IFIT3: variants seen among roughly 807,000 people sequenced by gnomAD.
The protein encoded by IFIT3 is interferon induced protein with tetratricopeptide repeats 3, also known as interferon-induced protein with tetratricopeptide repeats 3.
Under a neutral mutation model 2.4 loss-of-function variants are expected in IFIT3, and 2 were observed. The ratio of observed to expected loss-of-function variants is 0.82; its 90% CI spans 0.34 to 2.60. The LOEUF (loss-of-function observed/expected upper bound fraction) is 2.60. Among genes scored for constraint, IFIT3 ranks in the 30% most tolerant of loss-of-function variants. The probability of loss-of-function intolerance (pLI) is 0.11; values close to 1 mark genes in which losing one functional copy is unlikely to be tolerated. For missense variants in IFIT3, 481 were observed against 562.4 expected, an observed-to-expected ratio of 0.86 and a Z score of 1.46; for synonymous variants, 203 against 212.1, an observed-to-expected ratio of 0.96 and a Z score of 0.37.
chr10:89,330,051 G>A (rs555814060), intron 1 of IFIT3, among the ~76,000 whole-genome samples: 4 of 152,258 alleles, frequency 2.6e-5, no homozygotes, highest in African/African-American at 9.6e-5. Flanking sequence ...CATCGGTTAA[G>A]GCAGGAACAG....
intron 1 of IFIT3, among the ~76,000 whole-genome samples, chr10:89,331,152 C>CTTG (rs369603409): frequency 1.3e-5 from 2 of 152,100 alleles, no homozygotes; most frequent in Admixed American, 6.5e-5. Flanking sequence ...GACAACTTCT[C>CTTG]TTGTTGTTGT....
At chr10:89,336,706 G>C (rs749270936) in intron 1 of IFIT3, among the ~76,000 whole-genome samples, 1 of 152,088 alleles carries the variant, frequency 6.6e-6, no homozygotes, top group Non-Finnish European at 1.5e-5. Flanking sequence ...AGAATAGATG[G>C]TTGGTATCTT....
At chr10:89,334,843 G>T (rs965525213) in intron 1 of IFIT3, among the ~76,000 whole-genome samples, 1 of 151,892 alleles carries the variant, frequency 6.6e-6, no homozygotes, top group Non-Finnish European at 1.5e-5. Flanking sequence ...CTGCCTGCTT[G>T]TATTTATTTA....
intron 1 of IFIT3, chr10:89,335,632 A>G (rs889936959): frequency 6.6e-6 from 1 of 151,836 alleles, no homozygotes; most frequent in African/African-American, 2.4e-5. Context: ...CCAACAATAC[A>G]TCCAACATCA....
At position 89,339,016 on chromosome 10, in the gene IFIT3, A is replaced by G; in HGVS notation, c.361A>G (p.Lys121Glu). 6.2e-7 allele frequency: 1 copy of G among 1,614,190 alleles called. No individual in the cohort carries two copies. The highest frequency in any genetic ancestry group is 8.5e-7 in the Non-Finnish European group (1 of 1,180,028). Residue 121 changes from lysine (K) to glutamate (E), a missense_variant, in exon 2 of 2, where the codon AAA becomes GAA. Lys to Glu is a moderately conservative substitution (Grantham distance 56, BLOSUM62 1). Transcript: ENST00000371818. ...TGCTCAGATTTATGTAGATAAGGTGAAACAAACCTGCAAGAAATTTTCAAA... is the reference window on the plus strand; with the variant it reads ...TGCTCAGATTTATGTAGATAAGGTGGAACAAACCTGCAAGAAATTTTCAAA... Reference protein sequence around the residue: ...SDAQIYVDKVKQTCKKFSNPY... With the variant: ...SDAQIYVDKVEQTCKKFSNPY...
rs1843796417 is a variant in IFIT3, at chr10:89,338,945, G to C, written c.290G>C (p.Trp97Ser). The change falls in exon 2 of 2, where the codon TGG becomes TCG. Residue 97 changes from tryptophan to serine, a missense_variant. Physicochemically the swap from Trp to Ser is radical, Grantham distance 177. Coordinates refer to ENST00000371818, the MANE Select transcript of IFIT3 (RefSeq NM_001549.6). ...DQAEIRSLVTWGNYAWVYYHL... is the reference protein window; with the variant it reads ...DQAEIRSLVTSGNYAWVYYHL... ...GCAGAAATCAGAAGTCTAGTCACTT[G>C]GGGAAACTACGCCTGGGTCTACTAT... The C allele has an allele frequency of 1.9e-6, 3 of 1,614,118 alleles. No homozygotes were observed. The highest frequency in any genetic ancestry group is 2.5e-6 in the Non-Finnish European group (3 of 1,180,016).
At position 89,340,641 on chromosome 10, in the gene IFIT3, A is replaced by G. The variant is rs969571195; in HGVS notation, c.*513A>G. The G allele has an allele frequency of 6.6e-6, 1 of 152,164 alleles. No individual in the cohort carries two copies. The highest frequency in any genetic ancestry group is 6.5e-5 in the Admixed American group (1 of 15,280). The allele number at this position is 152,164 out of a possible 1,614,324, so 9.4% of individuals were successfully genotyped here. ...AGTTACATAGTCCGAAGGTCTTACAACTAATCACTGGTAGCAATAAATGCT... is the reference window on the plus strand; with the variant it reads ...AGTTACATAGTCCGAAGGTCTTACAGCTAATCACTGGTAGCAATAAATGCT... On this transcript the variant is annotated 3_prime_UTR_variant, in exon 2 of 2. Transcript: ENST00000371818.
At chr10:89,337,579 T>A (rs1013867843) in intron 1 of IFIT3, among the ~76,000 whole-genome samples, 1 of 152,112 alleles carries the variant, frequency 6.6e-6, no homozygotes, top group Non-Finnish European at 1.5e-5. Context: ...TTTGTATTTT[T>A]AGTAGAGGCA....
At chr10:89,328,243 G>A (rs978103373) in intron 1 of IFIT3, among the ~76,000 whole-genome samples, 165 bp downstream of exon 1, 3 of 152,170 alleles carry the variant, frequency 2.0e-5, no homozygotes, top group African/African-American at 7.2e-5. Context: ...TTTCCCTGTG[G>A]CTTTTTTTGG....
rs765362853 is a variant in IFIT3 at position 89,340,074 on chromosome 10, C to T, written c.1419C>T (p.Gly473=). Residue 473 remains glycine, a synonymous_variant, in exon 2 of 2, where the codon GGC becomes GGT. Transcript: ENST00000371818. Reference sequence around the variant, plus strand: ...ATGGTAGTGAGGAAATGGGCCAGGGCGCAGTCAGCTCCAGTCCCAGAGAGC... The same window carrying T: ...ATGGTAGTGAGGAAATGGGCCAGGGTGCAGTCAGCTCCAGTCCCAGAGAGC... ...LEDGSEEMGQ[G]AVSSSPRELL... 7.0e-5 allele frequency: 113 copies of T among 1,613,158 alleles called. No homozygotes were observed. In the Middle Eastern group the frequency reaches 9.9e-4, roughly 14 times the overall value.
In IFIT3 at chr10:89,340,207, C is replaced by A; in HGVS notation, c.*79C>A. The A allele has an allele frequency of 7.0e-7, 1 of 1,434,508 alleles. No individual in the cohort carries two copies. Among genetic ancestry groups the A allele is most frequent in the East Asian group, 2.3e-5 (1 of 42,650 alleles). The allele number at this position is 1,434,508 out of a possible 1,614,324, so 88.9% of individuals were successfully genotyped here. A position where few individuals can be genotyped will look rare whatever the true frequency, so the allele number is the denominator to read the frequency against. ...AGGACGATAGGAAGACAGGGGGCCCCAACCTGGGATTGCTGAGCAGGGAAG... is the reference window on the plus strand; with the variant it reads ...AGGACGATAGGAAGACAGGGGGCCCAAACCTGGGATTGCTGAGCAGGGAAG... On this transcript the variant is annotated 3_prime_UTR_variant, in exon 2 of 2. Coordinates refer to ENST00000371818, the MANE Select transcript of IFIT3 (RefSeq NM_001549.6).
At chr10:89,328,133 T>G (rs74830635) in intron 1 of IFIT3, 55 bp downstream of exon 1, 2 of 1,566,404 alleles carry the variant, frequency 1.3e-6, no homozygotes, top group East Asian at 4.5e-5. Context: ...AATTGTAAGT[T>G]GAGTTTCTTA....
chr10:89,328,791 T>C (rs901167377), intron 1 of IFIT3, among the ~76,000 whole-genome samples: 2 of 152,222 alleles, frequency 1.3e-5, no homozygotes, highest in African/African-American at 4.8e-5. Flanking sequence ...ATCTATTATC[T>C]AAAACTAGTC....
intron 1 of IFIT3, among the ~76,000 whole-genome samples, chr10:89,334,417 T>G (rs751129270): frequency 1.3e-5 from 2 of 151,498 alleles, no homozygotes; most frequent in Non-Finnish European, 2.9e-5. Flanking sequence ...AGGACTGGCA[T>G]TCTACTCCCC....
rs546884576 is a variant in IFIT3, at chr10:89,328,306, G to A, written c.5+228G>A. 1.8e-4 allele frequency among the ~76,000 whole-genome samples: 28 copies of A among 152,254 alleles called. 2 individuals carry two copies. The South Asian group carries it at 5.4e-3, about 29-fold the overall frequency. ...GAATGGTTCCCTACGGAACTACATG[G>A]GGGGAGGCAGGGTGGGGAATGCATC... On this transcript the variant is annotated intron_variant, in intron 1 of 1. Coordinates refer to ENST00000371818, the MANE Select transcript of IFIT3 (RefSeq NM_001549.6).
At chr10:89,337,060 A>T (rs760284838) in intron 1 of IFIT3, among the ~76,000 whole-genome samples, 1 of 152,204 alleles carries the variant, frequency 6.6e-6, no homozygotes, top group Non-Finnish European at 1.5e-5. Context: ...CTGTCTGGGA[A>T]TCTGGCCTGT....
In IFIT3 at chr10:89,339,968, A is replaced by G. The variant is rs966086337; in HGVS notation, c.1313A>G (p.Tyr438Cys). 2.5e-6 allele frequency: 4 copies of G among 1,614,104 alleles called. No homozygotes were observed. Among genetic ancestry groups the G allele is most frequent in the African/African-American group, 1.3e-5 (1 of 74,952 alleles). Residue 438 changes from tyrosine to cysteine, a missense_variant, in exon 2 of 2, where the codon TAT becomes TGT. Tyr to Cys is a radical substitution (Grantham distance 194). Coordinates refer to ENST00000371818, the MANE Select transcript of IFIT3 (RefSeq NM_001549.6). Reference sequence around the variant, plus strand: ...GATCTGCTGCAAGCAGCCAAATGTTATGAGAAGGAACTGGGCCGCCTGCTA... The same window carrying G: ...GATCTGCTGCAAGCAGCCAAATGTTGTGAGAAGGAACTGGGCCGCCTGCTA... ...NGDLLQAAKCYEKELGRLLRD... is the reference protein window; with the variant it reads ...NGDLLQAAKCCEKELGRLLRD...
chr10:89,328,226 A>G (rs1300249909), intron 1 of IFIT3, 148 bp downstream of exon 1: 1 of 877,676 alleles, frequency 1.1e-6, no homozygotes, highest in Non-Finnish European at 1.8e-6. Context: ...AAGATGTTTG[A>G]GGGGTTTTTC....
rs772144648 is a variant in IFIT3 at position 89,338,849 on chromosome 10, G to A, written c.194G>A (p.Gly65Asp). 2 of 1,614,124 alleles carry A rather than the reference G, an allele frequency of 1.2e-6. No homozygotes were observed. The highest frequency in any genetic ancestry group is 2.2e-5 in the East Asian group (1 of 44,884). ...NLLAYIKHLD[G>D]NNEAALECLR... ...TTGGCCTACATAAAACACCTAGATGGTAACAACGAGGCAGCCCTGGAATGC... is the reference window on the plus strand; with the variant it reads ...TTGGCCTACATAAAACACCTAGATGATAACAACGAGGCAGCCCTGGAATGC... Residue 65 changes from glycine (G) to aspartate (D), a missense_variant, in exon 2 of 2, where the codon GGT becomes GAT. Gly to Asp is a moderately conservative substitution (Grantham distance 94). Coordinates refer to ENST00000371818, the MANE Select transcript of IFIT3 (RefSeq NM_001549.6).
Sources: allele counts gnomAD v4.1 joint callset (sites outside exome capture counted in the v4.1 genomes callset), GRCh38; gene constraint gnomAD v4.1.1; transcripts MANE v1.5; gene names NCBI Gene and HGNC (gene_info 2026-07-23, HGNC 2026-07-21).